Variants in CHMP3 observed in about 807,000 individuals in gnomAD.
The protein encoded by CHMP3 is 25.1 protein.
CHMP3 carries 8 observed loss-of-function variants against 27.4 expected under a neutral mutation model. The ratio of observed to expected loss-of-function variants is 0.29; its 90% CI spans 0.17 to 0.53. The LOEUF (loss-of-function observed/expected upper bound fraction) is 0.53, where lower values mean the gene tolerates loss of function less well. CHMP3 is among the 20% of genes least tolerant of loss of function. CHMP3 has a pLI of 0.96. For missense variants in CHMP3, 208 were observed against 271.5 expected (o/e 0.77, Z 1.64); for synonymous variants, 86 against 85.5 (o/e 1.01, Z -0.03).
At chr2:86,510,283 CAT>C in intron 4 of CHMP3, 73 bp downstream of exon 4, 1 of 1,281,108 alleles carries the variant, frequency 7.8e-7, no homozygotes, top group Non-Finnish European at 1.1e-6. Context: ...CACCCACCCT[CAT>C]CCCTAGCCCC....
chr2:86,558,808 T>C (rs1677229551), intron 1 of CHMP3, among the ~76,000 whole-genome samples: 1 of 152,002 alleles, frequency 6.6e-6, no homozygotes, highest in Non-Finnish European at 1.5e-5. Context: ...TCTGCCAACA[T>C]TTTCTTATCT....
intron 3 of CHMP3, among the ~76,000 whole-genome samples, chr2:86,525,175 T>C (rs1388769003): frequency 6.6e-6 from 1 of 152,218 alleles, no homozygotes; most frequent in Non-Finnish European, 1.5e-5. Flanking sequence ...ACCAATAACT[T>C]TCTGTTGTTG....
intron 3 of CHMP3, chr2:86,511,625 G>A (rs1203506409): frequency 6.6e-6 from 1 of 151,730 alleles, no homozygotes; most frequent in African/African-American, 2.4e-5. Context: ...GAAGAAAAGG[G>A]TAAAAATAAA....
At chr2:86,530,445 A>G (rs1414910583) in intron 2 of CHMP3, among the ~76,000 whole-genome samples, 2 of 152,122 alleles carry the variant, frequency 1.3e-5, no homozygotes, top group Admixed American at 6.5e-5. Flanking sequence ...TGGAATCATA[A>G]TATTTTTCTT....
intron 1 of CHMP3, among the ~76,000 whole-genome samples, chr2:86,555,488 A>T (rs1342044424): frequency 6.6e-6 from 1 of 151,498 alleles, no homozygotes; most frequent in African/African-American, 2.4e-5. Flanking sequence ...GCGACAGAGC[A>T]AGACTCCATC....
intron 3 of CHMP3, among the ~76,000 whole-genome samples, chr2:86,515,929 G>A (rs1675283444): frequency 2.6e-5 from 4 of 151,892 alleles, no homozygotes; most frequent in Admixed American, 2.6e-4. Flanking sequence ...AGGCTGATGT[G>A]GGTGGATCAC....
At chr2:86,510,227 A>T in intron 4 of CHMP3, 131 bp downstream of exon 4, 1 of 1,367,096 alleles carries the variant, frequency 7.3e-7, no homozygotes, top group Non-Finnish European at 9.8e-7. Context: ...GTTAACAGCT[A>T]CTCCTTAAAA....
chr2:86,557,659 T>A (rs560389770), intron 1 of CHMP3, among the ~76,000 whole-genome samples: 1 of 152,320 alleles, frequency 6.6e-6, no homozygotes, highest in African/African-American at 2.4e-5. Flanking sequence ...ACCCTGCATA[T>A]TCAGTTCACT....
intron 5 of CHMP3, chr2:86,506,984 T>C (rs1287145060): frequency 2.6e-5 from 4 of 152,352 alleles, no homozygotes; most frequent in African/African-American, 9.6e-5. Context: ...TTCTTAATTA[T>C]TTCATTAAAC....
intron 3 of CHMP3, chr2:86,511,615 G>A (rs1260604742): frequency 2.0e-5 from 3 of 151,416 alleles, no homozygotes; most frequent in Non-Finnish European, 4.4e-5. Flanking sequence ...ATAAAGGTGG[G>A]AAGAAAAGGG....
intron 1 of CHMP3, among the ~76,000 whole-genome samples, chr2:86,545,929 G>T (rs1318782881): frequency 2.6e-5 from 4 of 152,188 alleles, no homozygotes; most frequent in Non-Finnish European, 4.4e-5. Context: ...TGGGCGGCCA[G>T]GCAGAGACAC....
chr2:86,554,650 G>A (rs148256115), intron 1 of CHMP3, among the ~76,000 whole-genome samples: 46 of 152,146 alleles, frequency 3.0e-4, no homozygotes, highest in African/African-American at 1.1e-3. Context: ...CAGTATTTTT[G>A]TACAAAGAAG....
rs1674807235 is a variant in CHMP3, at chr2:86,504,388, T to G, written c.*1416A>C. The G allele has an allele frequency of 6.6e-6, 1 of 152,190 alleles. No individual in the cohort carries two copies. Among genetic ancestry groups the G allele is most frequent in the Non-Finnish European group, 1.5e-5 (1 of 68,042 alleles). The allele number at this position is 152,190 out of a possible 1,614,324, so 9.4% of individuals were successfully genotyped here. A position where few individuals can be genotyped will look rare whatever the true frequency, so the allele number is the denominator to read the frequency against. ...TGAGAAATTTCTTTTTGTCCACTTT[T>G]GCTGTGAACCTACAACTGATTTAAA... On this transcript the variant is annotated 3_prime_UTR_variant, in exon 6 of 6. Transcript: ENST00000263856.
intron 4 of CHMP3, among the ~76,000 whole-genome samples, chr2:86,508,479 C>A (rs555505740): frequency 6.6e-6 from 1 of 152,304 alleles, no homozygotes; most frequent in Non-Finnish European, 1.5e-5. Context: ...AGAACAGGTA[C>A]TGGGGGTGCT....
intron 2 of CHMP3, among the ~76,000 whole-genome samples, chr2:86,529,780 C>T (rs1675842352): frequency 6.6e-6 from 1 of 152,060 alleles, no homozygotes. Flanking sequence ...TAAGGAAAGC[C>T]TGAACATATT....
intron 5 of CHMP3, among the ~76,000 whole-genome samples, chr2:86,506,782 T>C (rs1674906056): frequency 6.6e-6 from 1 of 151,882 alleles, no homozygotes; most frequent in Non-Finnish European, 1.5e-5. Flanking sequence ...ACCTAATTTT[T>C]ATATTTTTTG....
chr2:86,558,905 GCTT>G (rs981059408), intron 1 of CHMP3, among the ~76,000 whole-genome samples: 67 of 150,566 alleles, frequency 4.4e-4, no homozygotes, highest in Non-Finnish European at 1.5e-4. Context: ...ACATTACTTG[GCTT>G]CTTATTCATA....
intron 2 of CHMP3, among the ~76,000 whole-genome samples, chr2:86,540,238 C>G (rs757099627): frequency 6.6e-6 from 1 of 152,088 alleles, no homozygotes; most frequent in African/African-American, 2.4e-5. Flanking sequence ...TAGTTTTCAT[C>G]ATGTTTGAAA....
intron 1 of CHMP3, among the ~76,000 whole-genome samples, chr2:86,549,809 C>T (rs1461858121): frequency 2.0e-5 from 3 of 151,078 alleles, no homozygotes; most frequent in East Asian, 2.0e-4. Context: ...AGGTGCTCCT[C>T]GCCTCCCAGG....
Sources: gnomAD v4.1 joint callset for allele counts (sites outside exome capture counted in the v4.1 genomes callset) on GRCh38, gnomAD v4.1.1 for gene constraint, MANE v1.5 for transcripts, NCBI Gene and HGNC (gene_info 2026-07-23, HGNC 2026-07-21) for gene names.